Variants in SCGB2B2 observed in about 807,000 individuals in gnomAD.
The protein encoded by SCGB2B2 is secretoglobin family 2B member 2.
Under a neutral mutation model 7.6 loss-of-function variants are expected in SCGB2B2, and 11 were observed. The observed-to-expected ratio is 1.45, with a 90% CI of 0.91 to 2.40. The LOEUF is 2.40. SCGB2B2 is among the 30% of genes most tolerant of loss of function. The probability of loss-of-function intolerance (pLI) is 0.00; values close to 1 mark genes in which losing one functional copy is unlikely to be tolerated. For missense variants in SCGB2B2, 104 were observed against 115.4 expected, an observed-to-expected ratio of 0.90 and a Z score of 0.45; for synonymous variants, 50 against 48.6, an observed-to-expected ratio of 1.03 and a Z score of -0.12.
At chr19:34,599,502 G>C (rs575808316) in intron 1 of SCGB2B2, among the ~76,000 whole-genome samples, 2 of 152,360 alleles carry the variant, frequency 1.3e-5, no homozygotes, top group South Asian at 4.1e-4. Flanking sequence ...GAGACAGAAT[G>C]AGAGCCAAGC....
chr19:34,664,871 A>G (rs1166420127), intron 1 of SCGB2B2, among the ~76,000 whole-genome samples: 1 of 136,536 alleles, frequency 7.3e-6, no homozygotes, highest in African/African-American at 2.7e-5. Flanking sequence ...CCTCCCAACC[A>G]CCCCCTCCCC....
rs77829692 is a variant in SCGB2B2, at chr19:34,633,679, A to G, written c.-2031-37085T>C. 2.0e-5 allele frequency among the ~76,000 whole-genome samples: 3 copies of G among 152,148 alleles called. No individual in the cohort carries two copies. In the East Asian group the frequency reaches 5.8e-4, roughly 29 times the overall value. ...GACTTTGCAGGTGATGAATCTGCTC[A>G]TTATCATGATTATGGAGATGGTTTC... On this transcript the variant is annotated intron_variant, in intron 1 of 3. Coordinates refer to ENST00000601241, the MANE Select transcript of SCGB2B2 (RefSeq NM_001025591.4).
chr19:34,661,015 A>T (rs1301453106), intron 1 of SCGB2B2, among the ~76,000 whole-genome samples: 1 of 152,076 alleles, frequency 6.6e-6, no homozygotes, highest in Admixed American at 6.5e-5. Context: ...TCAGCAAATT[A>T]TCACAAGGAC....
chr19:34,626,484 G>A (rs542937661), intron 1 of SCGB2B2, among the ~76,000 whole-genome samples: 1 of 152,124 alleles, frequency 6.6e-6, no homozygotes, highest in African/African-American at 2.4e-5. Flanking sequence ...TAGCCGATTC[G>A]ATCAACTGGA....
At chr19:34,594,082 A>G (rs2065370975) in intron 3 of SCGB2B2, 93 bp downstream of exon 3, 1 of 1,062,382 alleles carries the variant, frequency 9.4e-7, no homozygotes, top group East Asian at 2.4e-5. Flanking sequence ...CCTGCTTAAA[A>G]CGTGGAAAGC....
chr19:34,636,202 C>T (rs981865524), intron 1 of SCGB2B2, among the ~76,000 whole-genome samples: 6 of 152,208 alleles, frequency 3.9e-5, no homozygotes, highest in African/African-American at 1.4e-4. Flanking sequence ...GACTCCTGGT[C>T]TAGGACTGAC....
At chr19:34,624,641 G>C (rs778572477) in intron 1 of SCGB2B2, among the ~76,000 whole-genome samples, 4 of 152,186 alleles carry the variant, frequency 2.6e-5, no homozygotes, top group Non-Finnish European at 5.9e-5. Flanking sequence ...CTGGTGGGCT[G>C]TTGGGGACTG....
At chr19:34,637,940 G>C (rs982871319) in intron 1 of SCGB2B2, among the ~76,000 whole-genome samples, 1 of 152,192 alleles carries the variant, frequency 6.6e-6, no homozygotes, top group Non-Finnish European at 1.5e-5. Flanking sequence ...CTGAGGCTGT[G>C]ACAGTAGTTT....
intron 1 of SCGB2B2, among the ~76,000 whole-genome samples, chr19:34,633,239 T>C (rs2066584639): frequency 6.6e-6 from 1 of 152,232 alleles, no homozygotes; most frequent in African/African-American, 2.4e-5. Context: ...CTTAGTCACC[T>C]GTATAAATTA....
At chr19:34,636,690 C>A (rs772625163) in intron 1 of SCGB2B2, among the ~76,000 whole-genome samples, 18 of 152,128 alleles carry the variant, frequency 1.2e-4, no homozygotes, top group Non-Finnish European at 2.4e-4. Flanking sequence ...GAGAAATGGG[C>A]AAAATGTCAA....
chr19:34,604,891 A>G (rs545707990), intron 1 of SCGB2B2, among the ~76,000 whole-genome samples: 2 of 152,332 alleles, frequency 1.3e-5, no homozygotes, highest in East Asian at 3.9e-4. Context: ...ACATATAAGA[A>G]GCATGTATAT....
intron 1 of SCGB2B2, among the ~76,000 whole-genome samples, chr19:34,657,290 T>C (rs2067308004): frequency 6.6e-6 from 1 of 151,198 alleles, no homozygotes; most frequent in African/African-American, 2.5e-5. Flanking sequence ...ATGCTCCAAT[T>C]AAAACATAGA....
intron 1 of SCGB2B2, among the ~76,000 whole-genome samples, chr19:34,659,300 C>A (rs976409059): frequency 3.9e-5 from 6 of 151,996 alleles, no homozygotes; most frequent in African/African-American, 1.5e-4. Flanking sequence ...GGCAATAAGG[C>A]AAGAGAAAGA....
At chr19:34,623,554 G>T (rs1432951518) in intron 1 of SCGB2B2, among the ~76,000 whole-genome samples, 1 of 152,172 alleles carries the variant, frequency 6.6e-6, no homozygotes, top group Non-Finnish European at 1.5e-5. Context: ...TAGTCAGCAG[G>T]AGTAGTCATG....
In SCGB2B2 at chr19:34,645,529, CACACAG is replaced by C. The variant is rs756594557; in HGVS notation, c.-2032+30095_-2032+30100del. The C allele has an allele frequency of 5.9e-3, 365 of 61,818 alleles. 3 individuals carry two copies. Among genetic ancestry groups the C allele is most frequent in the East Asian group, 0.022 (78 of 3,590 alleles). 3.8% of individuals were successfully genotyped at this position (61,818 alleles called of 1,614,324 possible). On this transcript the variant is annotated intron_variant, in intron 1 of 3. Transcript: ENST00000601241. ...ACAGACACACAGACACACACAGACA[CACACAG>C]ACACAGACACACACACACACACACA...
At chr19:34,588,268 C>T (rs2145706889), downstream of SCGB2B2, among the ~76,000 whole-genome samples, 1 of 152,228 alleles carries the variant, frequency 6.6e-6, no homozygotes, top group African/African-American at 2.4e-5. Context: ...TGTATTTTTC[C>T]AGGAATTTAT....
At chr19:34,618,003 C>A (rs1022902974) in intron 1 of SCGB2B2, among the ~76,000 whole-genome samples, 4 of 149,716 alleles carry the variant, frequency 2.7e-5, no homozygotes, top group Non-Finnish European at 5.9e-5. Flanking sequence ...GTGCACGGTG[C>A]GTGCACCCAC....
At position 34,676,302 on chromosome 19, in the gene SCGB2B2, T is replaced by C. The variant is rs866258716; in HGVS notation, c.-2704A>G. The C allele has an allele frequency of 6.6e-6, 1 of 152,226 alleles. No individual in the cohort carries two copies. 9.4% of individuals were successfully genotyped at this position (152,226 alleles called of 1,614,324 possible). On this transcript the variant is annotated 5_prime_UTR_variant, in exon 1 of 4. It adds an upstream start codon to the 5' untranslated region. Transcript: ENST00000601241. ...CCCAGCTGGCTTCACCTCTCGGTTA[T>C]ATGCTAATTATATGCATTAGCACGC...
intron 1 of SCGB2B2, among the ~76,000 whole-genome samples, chr19:34,604,819 T>C (rs1025648558): frequency 2.0e-5 from 3 of 152,222 alleles, no homozygotes; most frequent in African/African-American, 7.2e-5. Context: ...TTGTTCCTAA[T>C]TGTATTTTTA....
Sources: gnomAD v4.1 joint callset for allele counts (sites outside exome capture counted in the v4.1 genomes callset) on GRCh38, gnomAD v4.1.1 for gene constraint, MANE v1.5 for transcripts, NCBI Gene and HGNC (gene_info 2026-07-23, HGNC 2026-07-21) for gene names.